Variants in ROBO1 observed in about 807,000 individuals in gnomAD.
The protein encoded by ROBO1 is roundabout homolog 1.
A neutral mutation model predicts 195.9 loss-of-function variants in ROBO1; 149 were observed. The ratio of observed to expected loss-of-function variants is 0.76; its 90% CI spans 0.67 to 0.87. The LOEUF (loss-of-function observed/expected upper bound fraction) is 0.87. Among genes scored for constraint, ROBO1 ranks in the 40% least tolerant of loss-of-function variants. The pLI, the probability that ROBO1 is intolerant of heterozygous loss-of-function variation, is 0.00. For missense variants in ROBO1, 1,933 were observed against 2,068.3 expected (o/e 0.93, Z 1.27); for synonymous variants, 816 against 733.2 (o/e 1.11, Z -1.82).
At chr3:79,124,200 A>G (rs1488987567) in intron 3 of ROBO1, among the ~76,000 whole-genome samples, 1 of 151,978 alleles carries the variant, frequency 6.6e-6, no homozygotes, top group Non-Finnish European at 1.5e-5. Flanking sequence ...AAACTCCCTC[A>G]CCATCCCACC....
chr3:79,072,775 A>G (rs2079110747), intron 3 of ROBO1, among the ~76,000 whole-genome samples: 1 of 151,960 alleles, frequency 6.6e-6, no homozygotes, highest in Non-Finnish European at 1.5e-5. Context: ...TCTATATCTT[A>G]ACTGAATTAT....
chr3:79,485,526 T>A (rs1939113679), intron 2 of ROBO1, among the ~76,000 whole-genome samples: 1 of 152,218 alleles, frequency 6.6e-6, no homozygotes, highest in Non-Finnish European at 1.5e-5. Context: ...AGTGTTCACT[T>A]CTGTTCTTTT....
intron 2 of ROBO1, among the ~76,000 whole-genome samples, chr3:79,458,768 T>A (rs1249800818): frequency 6.6e-6 from 1 of 151,974 alleles, no homozygotes. Context: ...ATGTTAATAC[T>A]TTTTAGCATA....
chr3:79,173,140 T>C (rs1023572504), intron 2 of ROBO1, among the ~76,000 whole-genome samples: 2 of 151,998 alleles, frequency 1.3e-5, no homozygotes, highest in Non-Finnish European at 2.9e-5. Context: ...CAGTGATGAA[T>C]GGAGACAATC....
At chr3:78,879,253 GTC>G (rs1267365338) in intron 4 of ROBO1, among the ~76,000 whole-genome samples, 1 of 152,132 alleles carries the variant, frequency 6.6e-6, no homozygotes, top group Non-Finnish European at 1.5e-5. Flanking sequence ...ACATGAGAAA[GTC>G]TCATTTCTCT....
At chr3:79,140,730 A>G (rs1424685876) in intron 2 of ROBO1, among the ~76,000 whole-genome samples, 1 of 152,224 alleles carries the variant, frequency 6.6e-6, no homozygotes, top group African/African-American at 2.4e-5. Flanking sequence ...TTTATAGAAG[A>G]GAAAAAGTGA....
At chr3:79,322,651 C>T (rs2034033673) in intron 2 of ROBO1, among the ~76,000 whole-genome samples, 1 of 152,230 alleles carries the variant, frequency 6.6e-6, no homozygotes, top group South Asian at 2.1e-4. Context: ...GGACAGCAGG[C>T]TAATAATAGT....
At chr3:79,694,057 A>G (rs769033479) in intron 1 of ROBO1, among the ~76,000 whole-genome samples, 8 of 151,850 alleles carry the variant, frequency 5.3e-5, no homozygotes, top group Non-Finnish European at 1.2e-4. Context: ...GGATTCTGAA[A>G]TAAGTAAAAT....
At chr3:78,717,453 A>T in intron 6 of ROBO1, 40 bp from the exon 7 acceptor site, 1 of 1,584,020 alleles carries the variant, frequency 6.3e-7, no homozygotes, top group African/African-American at 1.3e-5. Context: ...AAATTTTAAA[A>T]TGAACCAGCT....
intron 4 of ROBO1, among the ~76,000 whole-genome samples, chr3:78,905,474 C>T (rs545844525): frequency 1.1e-3 from 168 of 152,092 alleles, no homozygotes; most frequent in Non-Finnish European, 2.2e-3. Flanking sequence ...CCTAAATTAG[C>T]CAGACGTGGT....
At chr3:79,550,966 T>C (rs1362632698) in intron 2 of ROBO1, among the ~76,000 whole-genome samples, 2 of 152,152 alleles carry the variant, frequency 1.3e-5, no homozygotes, top group Non-Finnish European at 2.9e-5. Context: ...ATCATGGGAC[T>C]GGGTTAGCTA....
intron 3 of ROBO1, among the ~76,000 whole-genome samples, chr3:79,011,674 T>A (rs1011777219): frequency 2.7e-5 from 4 of 148,218 alleles, no homozygotes; most frequent in Non-Finnish European, 6.0e-5. Context: ...TATATTTATA[T>A]ATAAATATAT....
intron 2 of ROBO1, among the ~76,000 whole-genome samples, chr3:79,167,917 G>T (rs2081097520): frequency 6.6e-6 from 1 of 152,196 alleles, no homozygotes; most frequent in Non-Finnish European, 1.5e-5. Flanking sequence ...GAGGATTGAG[G>T]CAGTTAATAT....
intron 4 of ROBO1, among the ~76,000 whole-genome samples, chr3:78,851,799 C>T (rs2106871720): frequency 1.3e-5 from 2 of 151,952 alleles, no homozygotes; most frequent in East Asian, 3.9e-4. Flanking sequence ...GCATGGATAA[C>T]TTTTATAATA....
At position 79,557,570 on chromosome 3, in the gene ROBO1, C is replaced by A. The variant is rs900740059; in HGVS notation, c.88+32254G>T. ...CCAACAAGGCGAAACCCTGTCTGCA[C>A]TAAAAATGCAAAAATTAGCCAGGTT... On this transcript the variant is annotated intron_variant, in intron 2 of 30. Transcript: ENST00000464233. Among the ~76,000 whole-genome samples, 3 of 151,268 alleles carry A rather than the reference C, an allele frequency of 2.0e-5. No homozygotes were observed. In the East Asian group the frequency reaches 5.8e-4, roughly 29 times the overall value.
At chr3:79,545,253 A>T (rs2107653783) in intron 2 of ROBO1, among the ~76,000 whole-genome samples, 1 of 152,318 alleles carries the variant, frequency 6.6e-6, no homozygotes, top group South Asian at 2.1e-4. Context: ...GGATGAGGAG[A>T]AAAGTATTCA....
chr3:79,660,402 C>T (rs1461721505), intron 1 of ROBO1, among the ~76,000 whole-genome samples: 2 of 152,112 alleles, frequency 1.3e-5, no homozygotes, highest in Non-Finnish European at 2.9e-5. Context: ...ACACATGGAT[C>T]AGGGAAGCAA....
chr3:79,339,222 T>C (rs77010253), intron 2 of ROBO1, among the ~76,000 whole-genome samples: 2,914 of 152,244 alleles, frequency 0.019, 73 homozygotes, highest in African/African-American at 0.061. Context: ...CTTCTCAACA[T>C]AGCAGATCGA....
In ROBO1 at chr3:79,469,745, T is replaced by C. The variant is rs190263672; in HGVS notation, c.88+120079A>G. 5.8e-3 allele frequency among the ~76,000 whole-genome samples: 882 copies of C among 152,298 alleles called. 8 individuals are homozygous for C. The highest frequency in any genetic ancestry group is 0.02 in the African/African-American group (826 of 41,554). On this transcript the variant is annotated intron_variant, in intron 2 of 30. Transcript: ENST00000464233. ...ACCTAATAAATGTTGGTAATATGTA[T>C]TATATTTTGGCAAATCTACTTCATT... is the stretch of plus-strand genomic sequence containing the variant.
Sources: gnomAD v4.1 joint callset for allele counts (sites outside exome capture counted in the v4.1 genomes callset) on GRCh38, gnomAD v4.1.1 for gene constraint, MANE v1.5 for transcripts, NCBI Gene and HGNC (gene_info 2026-07-23, HGNC 2026-07-21) for gene names.